B3GALT1: variants seen among roughly 807,000 people sequenced by gnomAD.
B3GALT1 encodes beta-1,3-galactosyltransferase 1, also known as UDP-Gal:betaGlcNAc beta 1,3-galactosyltransferase, polypeptide 1.
A neutral mutation model predicts 23.2 loss-of-function variants in B3GALT1; 10 were observed. The observed-to-expected ratio is 0.43, with a 90% CI of 0.27 to 0.73. The LOEUF is 0.73. B3GALT1 is among the 30% of genes least tolerant of loss of function. The pLI is 0.21. For missense variants in B3GALT1, 299 were observed against 405.4 expected (o/e 0.74, Z 2.25); for synonymous variants, 156 against 141.5 (o/e 1.10, Z -0.73).
At chr2:167,667,784 G>C (rs1285457755) in intron 3 of B3GALT1, among the ~76,000 whole-genome samples, 1 of 152,146 alleles carries the variant, frequency 6.6e-6, no homozygotes, top group African/African-American at 2.4e-5. Context: ...CTCGAGCCTT[G>C]GTTTTCAGCT....
intron 4 of B3GALT1, among the ~76,000 whole-genome samples, chr2:167,864,938 T>C (rs1251003181): frequency 6.6e-6 from 1 of 152,126 alleles, no homozygotes; most frequent in African/African-American, 2.4e-5. Flanking sequence ...ATTTATTACC[T>C]GTCCAGAAAA....
At chr2:167,482,954 T>C (rs1326987326) in intron 1 of B3GALT1, among the ~76,000 whole-genome samples, 1 of 152,194 alleles carries the variant, frequency 6.6e-6, no homozygotes, top group Non-Finnish European at 1.5e-5. Context: ...CTGCACAGTA[T>C]CGTTGTTTGC....
At chr2:167,434,283 G>C (rs1211707849) in intron 1 of B3GALT1, among the ~76,000 whole-genome samples, 1 of 151,958 alleles carries the variant, frequency 6.6e-6, no homozygotes, top group African/African-American at 2.4e-5. Flanking sequence ...TAAATAACTA[G>C]CTTTCCATCC....
intron 2 of B3GALT1, among the ~76,000 whole-genome samples, chr2:167,618,268 A>G (rs1219872927): frequency 6.6e-6 from 1 of 152,082 alleles, no homozygotes; most frequent in Admixed American, 6.6e-5. Context: ...GGACCAGAGA[A>G]TATTTGTTAA....
intron 3 of B3GALT1, among the ~76,000 whole-genome samples, chr2:167,741,536 A>G (rs956003579): frequency 2.0e-5 from 3 of 152,174 alleles, no homozygotes; most frequent in Admixed American, 6.5e-5. Context: ...GAATATAATA[A>G]TAATAGAGAT....
intron 3 of B3GALT1, among the ~76,000 whole-genome samples, chr2:167,751,855 G>A (rs1687744332): frequency 6.6e-6 from 1 of 152,152 alleles, no homozygotes; most frequent in Admixed American, 6.6e-5. Flanking sequence ...AGATACTGCT[G>A]CAGTCTAGGA....
intron 1 of B3GALT1, among the ~76,000 whole-genome samples, chr2:167,471,902 C>A (rs1014717121): frequency 6.6e-6 from 1 of 151,896 alleles, no homozygotes; most frequent in African/African-American, 2.4e-5. Flanking sequence ...AGGCCTGGGG[C>A]CTTTGGCCAG....
At chr2:167,424,209 G>C (rs1448510608) in intron 1 of B3GALT1, among the ~76,000 whole-genome samples, 1 of 152,110 alleles carries the variant, frequency 6.6e-6, no homozygotes, top group African/African-American at 2.4e-5. Flanking sequence ...AGGAACCAAA[G>C]AGGTAAAGAA....
At chr2:167,723,078 T>C (rs1687258664) in intron 3 of B3GALT1, among the ~76,000 whole-genome samples, 1 of 152,254 alleles carries the variant, frequency 6.6e-6, no homozygotes, top group South Asian at 2.1e-4. Flanking sequence ...ACTTAACTAG[T>C]GTCAGCAGTC....
intron 1 of B3GALT1, among the ~76,000 whole-genome samples, chr2:167,456,802 C>A (rs144737750): frequency 2.0e-5 from 3 of 152,306 alleles, no homozygotes; most frequent in Admixed American, 1.3e-4. Context: ...TCTCCAGGCC[C>A]ACCATCCTCT....
intron 1 of B3GALT1, among the ~76,000 whole-genome samples, chr2:167,486,177 G>A (rs1699624372): frequency 6.6e-6 from 1 of 152,002 alleles, no homozygotes; most frequent in Admixed American, 6.6e-5. Flanking sequence ...TGGCCAACAT[G>A]GTGAAACCCC....
chr2:167,444,417 G>A (rs1020891071), intron 1 of B3GALT1, among the ~76,000 whole-genome samples: 4 of 152,144 alleles, frequency 2.6e-5, no homozygotes, highest in East Asian at 1.9e-4. Flanking sequence ...TTTTTCTATC[G>A]ATTAGAATAG....
intron 3 of B3GALT1, among the ~76,000 whole-genome samples, chr2:167,746,005 ATC>A (rs1399141359): frequency 6.6e-6 from 1 of 152,158 alleles, no homozygotes; most frequent in Non-Finnish European, 1.5e-5. Context: ...ATGGTATCAG[ATC>A]TAAGTCTTCA....
intron 1 of B3GALT1, among the ~76,000 whole-genome samples, chr2:167,401,532 C>T (rs1031175487): frequency 3.9e-5 from 6 of 152,120 alleles, no homozygotes; most frequent in East Asian, 1.9e-4. Flanking sequence ...CTTTCCCTAG[C>T]AGGCTGCCTT....
intron 3 of B3GALT1, among the ~76,000 whole-genome samples, chr2:167,695,871 CCACCGT>C (rs879463378): frequency 2.6e-5 from 4 of 152,108 alleles, no homozygotes; most frequent in Non-Finnish European, 5.9e-5. Context: ...ACCGTTGCTC[CCACCGT>C]CATGTCTGCA....
intron 1 of B3GALT1, among the ~76,000 whole-genome samples, chr2:167,302,254 A>C (rs919392219): frequency 3.9e-5 from 6 of 152,212 alleles, no homozygotes; most frequent in Non-Finnish European, 8.8e-5. Flanking sequence ...TTATTTTTGC[A>C]TAGTAGGATG....
At chr2:167,711,460 C>T (rs1418288352) in intron 3 of B3GALT1, among the ~76,000 whole-genome samples, 6 of 152,094 alleles carry the variant, frequency 3.9e-5, no homozygotes, top group East Asian at 3.9e-4. Context: ...TAGTACCTGA[C>T]GGTCCTCTGA....
chr2:167,603,221 C>G (rs77000679), intron 2 of B3GALT1, among the ~76,000 whole-genome samples: 2,375 of 152,238 alleles, frequency 0.016, 77 homozygotes, highest in African/African-American at 0.055. Context: ...GACTTCTCAG[C>G]TTTTCCACCT....
intron 4 of B3GALT1, among the ~76,000 whole-genome samples, chr2:167,856,713 T>G (rs372006587): frequency 6.6e-6 from 1 of 152,156 alleles, no homozygotes; most frequent in East Asian, 1.9e-4. Context: ...GTTGATCTAT[T>G]GTAGGAGTTA....
Sources: gnomAD v4.1 joint callset for allele counts (sites outside exome capture counted in the v4.1 genomes callset) on GRCh38, gnomAD v4.1.1 for gene constraint, MANE v1.5 for transcripts, NCBI Gene and HGNC (gene_info 2026-07-23, HGNC 2026-07-21) for gene names.